The following CARD8 variants were observed in gnomAD, a reference collection of about 807,000 sequenced individuals.
The protein encoded by CARD8 is caspase recruitment domain-containing protein 8.
In CARD8, 38 loss-of-function variants were observed where a neutral mutation model predicts 53.2. That is an observed-to-expected ratio of 0.71 (90% CI 0.55 to 0.94). The LOEUF (loss-of-function observed/expected upper bound fraction) is 0.94. Ranked by LOEUF, CARD8 falls within the 40% of genes least tolerant of loss-of-function variation. The pLI, the probability that CARD8 is intolerant of heterozygous loss-of-function variation, is 0.00. For synonymous variants in CARD8, 245 were observed against 244.9 expected, an observed-to-expected ratio of 1.00 and a Z score of 0.00; for missense variants, 561 against 655.5, an observed-to-expected ratio of 0.86 and a Z score of 1.57.
chr19:48,206,537 G>GA (rs777243028), downstream of CARD8: 7 of 460,456 alleles, frequency 1.5e-5, no homozygotes, highest in African/African-American at 1.2e-4. Context: ...TAACAAGACA[G>GA]AAGTCTCCAC....
Position 48,234,446 on chromosome 19 carries a change from G to A in CARD8, c.307C>T (p.Arg103Cys), listed in dbSNP as rs780214022. The A allele has an allele frequency of 2.5e-5, 40 of 1,613,656 alleles. No individual in the cohort carries two copies. The Middle Eastern group carries it at 1.5e-3, about 60-fold the overall frequency. ...DETEAEPLLF[R>C]AVPECQLSGG... ...GATAGTTGACACTCAGGAACAGCAC[G>A]GAACAATAATGGCTCTGCCTCTGTC... is the stretch of plus-strand genomic sequence containing the variant. The change falls in exon 6 of 14, where the codon CGT (arginine) becomes TGT (cysteine). Residue 103 changes from arginine to cysteine, a missense_variant. Coordinates refer to ENST00000651546, the MANE Select transcript of CARD8 (RefSeq NM_001184900.3).
chr19:48,216,343 C>T (rs539580492), intron 12 of CARD8, among the ~76,000 whole-genome samples: 8 of 152,286 alleles, frequency 5.3e-5, no homozygotes, highest in South Asian at 2.1e-4. Context: ...GACATCTGCA[C>T]GGCTTCTTCG....
Position 48,211,471 on chromosome 19 carries a change from A to C in CARD8, c.*239T>G. Reference sequence around the variant, plus strand: ...GGATAAAATAGTGATATATCAAGCAATGGTTGGAAAAAATTTAAAAGGAAT... The same window carrying C: ...GGATAAAATAGTGATATATCAAGCACTGGTTGGAAAAAATTTAAAAGGAAT... On this transcript the variant is annotated 3_prime_UTR_variant, in exon 14 of 14. Coordinates refer to ENST00000651546, the MANE Select transcript of CARD8 (RefSeq NM_001184900.3). 1 of 472,738 alleles carries C rather than the reference A, an allele frequency of 2.1e-6. No individual in the cohort carries two copies. 29.3% of individuals were successfully genotyped at this position (472,738 alleles called of 1,614,324 possible). A position where few individuals can be genotyped will look rare whatever the true frequency, so the allele number is the denominator to read the frequency against.
intron 3 of CARD8, among the ~76,000 whole-genome samples, chr19:48,247,041 AGGCCAGGC>A: frequency 6.6e-6 from 1 of 152,282 alleles, no homozygotes; most frequent in Admixed American, 6.5e-5. Flanking sequence ...AATACAATTG[AGGCCAGGC>A]GCTATGGCTC....
chr19:48,232,915 C>T (rs2043176353), intron 6 of CARD8: 5 of 396,706 alleles, frequency 1.3e-5, no homozygotes, highest in Admixed American at 3.0e-5. Context: ...TGTATTATGC[C>T]CACGTTCAAT....
At chr19:48,221,008 A>AAGAGAAAG (rs1555806505) in intron 11 of CARD8, among the ~76,000 whole-genome samples, 7 of 122,024 alleles carry the variant, frequency 5.7e-5, no homozygotes, top group Non-Finnish European at 8.2e-5. Flanking sequence ...GAAAGAAAGA[A>AAGAGAAAG]AAAGAAAGAA....
intron 3 of CARD8, among the ~76,000 whole-genome samples, chr19:48,241,911 T>G (rs1197761122): frequency 1.3e-5 from 2 of 152,092 alleles, no homozygotes; most frequent in South Asian, 2.1e-4. Flanking sequence ...AGTAATGAAG[T>G]TGTACAACCA....
intron 3 of CARD8, among the ~76,000 whole-genome samples, chr19:48,248,844 T>C (rs1286067546): frequency 6.6e-6 from 1 of 152,224 alleles, no homozygotes; most frequent in Non-Finnish European, 1.5e-5. Context: ...ATTGCATTAA[T>C]ACTGTAGCGC....
At chr19:48,214,383 C>G (rs557038595) in intron 13 of CARD8, among the ~76,000 whole-genome samples, 2 of 152,174 alleles carry the variant, frequency 1.3e-5, no homozygotes. Context: ...AGAGAAAACA[C>G]CTGAAACTGG....
chr19:48,249,005 C>G (rs758980483), intron 3 of CARD8, among the ~76,000 whole-genome samples: 2 of 152,134 alleles, frequency 1.3e-5, no homozygotes, highest in Non-Finnish European at 2.9e-5. Flanking sequence ...CGAAGCCAGA[C>G]TGGCAACATA....
intron 1 of CARD8, among the ~76,000 whole-genome samples, chr19:48,254,393 G>A (rs890071262): frequency 2.6e-5 from 4 of 152,172 alleles, no homozygotes; most frequent in African/African-American, 9.7e-5. Flanking sequence ...GTAAATAAAT[G>A]TGAAGACTAG....
intron 11 of CARD8, 138 bp from the exon 12 acceptor site, chr19:48,219,150 G>A: frequency 1.4e-6 from 1 of 711,024 alleles, no homozygotes; most frequent in Non-Finnish European, 2.4e-6. Flanking sequence ...AGGGAGAGAG[G>A]TAAACAGCTC....
intron 3 of CARD8, among the ~76,000 whole-genome samples, chr19:48,245,090 G>A (rs1405430462): frequency 6.6e-6 from 1 of 152,192 alleles, no homozygotes; most frequent in Non-Finnish European, 1.5e-5. Context: ...TCCAAATACA[G>A]TGATTGAAAG....
chr19:48,211,256 G>C lies in CARD8; in HGVS notation c.*454C>G, dbSNP rs1032872977. On this transcript the variant is annotated 3_prime_UTR_variant, in exon 14 of 14. Coordinates refer to ENST00000651546, the MANE Select transcript of CARD8 (RefSeq NM_001184900.3). ...AAAAGACTGTCATCATGTATGCCTTGAGTGTCCTCAGCTGAGAAGCTTTTG... is the reference window on the plus strand; with the variant it reads ...AAAAGACTGTCATCATGTATGCCTTCAGTGTCCTCAGCTGAGAAGCTTTTG... 3 of 155,096 alleles carry C rather than the reference G, an allele frequency of 1.9e-5. No individual in the cohort carries two copies. The highest frequency in any genetic ancestry group is 1.3e-4 in the Admixed American group (2 of 15,766). The allele number at this position is 155,096 out of a possible 1,614,324, so 9.6% of individuals were successfully genotyped here.
At chr19:48,225,405 C>T (rs1402231920) in intron 10 of CARD8, among the ~76,000 whole-genome samples, 4 of 152,036 alleles carry the variant, frequency 2.6e-5, no homozygotes, top group Non-Finnish European at 5.9e-5. Flanking sequence ...GCAGGAGAAT[C>T]GCTTGAACCC....
intron 1 of CARD8, among the ~76,000 whole-genome samples, chr19:48,253,305 G>A (rs572083207): frequency 3.4e-4 from 52 of 152,148 alleles, no homozygotes; most frequent in African/African-American, 1.2e-3. Flanking sequence ...GGCTGGTCTC[G>A]AACTCCTGGC....
chr19:48,248,972 C>A (rs973977634), intron 3 of CARD8, among the ~76,000 whole-genome samples: 2 of 152,140 alleles, frequency 1.3e-5, no homozygotes, highest in Admixed American at 6.5e-5. Flanking sequence ...CCGAGGCGGG[C>A]GGATCACCTG....
At chr19:48,231,135 A>G (rs754998226) in intron 8 of CARD8, 129 bp from the exon 9 acceptor site, 36 of 703,786 alleles carry the variant, frequency 5.1e-5, no homozygotes, top group Non-Finnish European at 7.2e-5. Context: ...TCACTACATT[A>G]GAAAACGCTG....
intron 10 of CARD8, among the ~76,000 whole-genome samples, chr19:48,225,005 G>A (rs868659986): frequency 2.8e-4 from 43 of 151,326 alleles, no homozygotes; most frequent in African/African-American, 1.0e-3. Context: ...CGCCCACCTC[G>A]GCCTCCCAAA....
Sources: gnomAD v4.1 joint callset for allele counts (sites outside exome capture counted in the v4.1 genomes callset) on GRCh38, gnomAD v4.1.1 for gene constraint, MANE v1.5 for transcripts, NCBI Gene and HGNC (gene_info 2026-07-23, HGNC 2026-07-21) for gene names.